Variants in GFRA2 observed in about 807,000 individuals in gnomAD.
The protein encoded by GFRA2 is GDNF family receptor alpha-2.
In GFRA2, 17 loss-of-function variants were observed where a neutral mutation model predicts 48.3. The ratio of observed to expected loss-of-function variants is 0.35; its 90% CI spans 0.24 to 0.53. The LOEUF (loss-of-function observed/expected upper bound fraction) is 0.53. Among genes scored for constraint, GFRA2 ranks in the 20% least tolerant of loss-of-function variants. The pLI is 0.93. For synonymous variants in GFRA2, 305 were observed against 257.2 expected (o/e 1.19, Z -1.78); for missense variants, 660 against 637.3 (o/e 1.04, Z -0.38).
intron 4 of GFRA2, among the ~76,000 whole-genome samples, chr8:21,734,020 G>A (rs1804330641): frequency 6.6e-6 from 1 of 152,230 alleles, no homozygotes; most frequent in Non-Finnish European, 1.5e-5. Flanking sequence ...ATGCAGGCCT[G>A]AGTCCTCATG....
At position 21,721,871 on chromosome 8, in the gene GFRA2, C is replaced by G. The variant is rs1334360826; in HGVS notation, c.795-15830G>C. Among the ~76,000 whole-genome samples, 2 of 152,262 alleles carry G rather than the reference C, an allele frequency of 1.3e-5. 1 individual carries two copies. The highest frequency in any genetic ancestry group is 3.9e-4 in the East Asian group (2 of 5,166). On this transcript the variant is annotated intron_variant, in intron 4 of 8. Transcript: ENST00000524240. ...TAAAAAAGCACAGGGCAAATATATT[C>G]TCGGAGTCACAGGCTTCAGGGGGCA...
At chr8:21,755,769 T>C (rs146381421) in intron 3 of GFRA2, among the ~76,000 whole-genome samples, 18 of 152,316 alleles carry the variant, frequency 1.2e-4, no homozygotes, top group Non-Finnish European at 2.4e-4. Flanking sequence ...TGGGAGGAAC[T>C]GCAAGCAATT....
At chr8:21,755,438 A>G (rs1805521336) in intron 3 of GFRA2, among the ~76,000 whole-genome samples, 1 of 152,170 alleles carries the variant, frequency 6.6e-6, no homozygotes, top group South Asian at 2.1e-4. Context: ...AGGCAGAAAG[A>G]GAATCAAGGT....
intron 3 of GFRA2, among the ~76,000 whole-genome samples, chr8:21,758,356 A>C (rs1209100925): frequency 6.6e-6 from 1 of 152,074 alleles, no homozygotes; most frequent in Non-Finnish European, 1.5e-5. Context: ...GAGGATCTTC[A>C]AGGTAGACTT....
At chr8:21,725,172 C>T (rs990419864) in intron 4 of GFRA2, among the ~76,000 whole-genome samples, 1 of 152,216 alleles carries the variant, frequency 6.6e-6, no homozygotes, top group African/African-American at 2.4e-5. Flanking sequence ...GCTGAGGAGC[C>T]AAAACTAATA....
chr8:21,774,432 A>G (rs1806590870), intron 3 of GFRA2, among the ~76,000 whole-genome samples: 3 of 133,530 alleles, frequency 2.2e-5, no homozygotes, highest in Non-Finnish European at 5.1e-5. Flanking sequence ...AGAGCCCTCA[A>G]GAGAGAGGGA....
intron 1 of GFRA2, among the ~76,000 whole-genome samples, chr8:21,807,677 C>T (rs1054089605): frequency 1.3e-5 from 2 of 152,148 alleles, no homozygotes; most frequent in Non-Finnish European, 2.9e-5. Context: ...CTTGTGTCTC[C>T]TCATGTGTCC....
At chr8:21,794,183 A>G (rs1009383507) in intron 2 of GFRA2, among the ~76,000 whole-genome samples, 2 of 144,172 alleles carry the variant, frequency 1.4e-5, no homozygotes, top group South Asian at 2.2e-4. Flanking sequence ...TGTACTGTGG[A>G]CCTTGTTTTA....
chr8:21,719,936 C>T (rs929406702), intron 4 of GFRA2, among the ~76,000 whole-genome samples: 3 of 152,184 alleles, frequency 2.0e-5, no homozygotes, highest in African/African-American at 7.2e-5. Flanking sequence ...AGTTCTTCTG[C>T]TCTTAGTTCT....
At chr8:21,694,883 T>A (rs1802079193) in intron 7 of GFRA2, among the ~76,000 whole-genome samples, 1 of 152,124 alleles carries the variant, frequency 6.6e-6, no homozygotes, top group African/African-American at 2.4e-5. Flanking sequence ...TAACAACAAC[T>A]CAACAAATGT....
rs1044377764 is a variant in GFRA2, at chr8:21,702,805, C to G, written c.1218G>C (p.Gln406His). The change falls in exon 7 of 9, where the codon CAG becomes CAC. Residue 406 changes from glutamine to histidine, a missense_variant and splice_region_variant. Coordinates refer to ENST00000524240, the MANE Select transcript of GFRA2 (RefSeq NM_001495.5). ...CCACGCCTCAGCCACACACCCTCAC[C>G]TGGACAGACGTGCAGGTGGTGATGA... is the stretch of plus-strand genomic sequence containing the variant. The part of the protein sequence containing the change: ...TSVITTCTSV[Q>H]EQGLKANNSK... The G allele has an allele frequency of 6.2e-7, 1 of 1,602,358 alleles. No individual in the cohort carries two copies. Among genetic ancestry groups the G allele is most frequent in the Non-Finnish European group, 8.5e-7 (1 of 1,174,528 alleles).
intron 3 of GFRA2, among the ~76,000 whole-genome samples, chr8:21,766,605 C>T (rs1407287936): frequency 6.6e-6 from 1 of 151,308 alleles, no homozygotes; most frequent in Non-Finnish European, 1.5e-5. Context: ...GCAAAGATGG[C>T]CTCCCTTTTT....
At chr8:21,804,167 T>C (rs1265783789) in intron 2 of GFRA2, among the ~76,000 whole-genome samples, 1 of 151,410 alleles carries the variant, frequency 6.6e-6, no homozygotes, top group Non-Finnish European at 1.5e-5. Flanking sequence ...CTGCCTATAG[T>C]GGAATGGAGT....
At chr8:21,777,769 A>G (rs77239359) in intron 2 of GFRA2, among the ~76,000 whole-genome samples, 18,300 of 152,110 alleles carry the variant, frequency 0.12, 1,413 homozygotes, top group East Asian at 0.21. Flanking sequence ...AGGGACCTGG[A>G]TAAGGAGTCG....
chr8:21,786,340 C>A (rs1194088508), intron 1 of GFRA2, among the ~76,000 whole-genome samples: 6 of 152,376 alleles, frequency 3.9e-5, no homozygotes, highest in African/African-American at 1.4e-4. Flanking sequence ...CCCCCGACCA[C>A]AGATGGTGCC....
intron 4 of GFRA2, among the ~76,000 whole-genome samples, chr8:21,728,265 GT>G (rs34490346): frequency 0.11 from 6,943 of 64,948 alleles, 34 homozygotes; most frequent in African/African-American, 0.12. Flanking sequence ...CGGGAACCAG[GT>G]TTTTTTTTTT....
At chr8:21,747,681 G>T (rs1805073271) in intron 4 of GFRA2, among the ~76,000 whole-genome samples, 1 of 151,100 alleles carries the variant, frequency 6.6e-6, no homozygotes, top group Admixed American at 6.6e-5. Flanking sequence ...GGTTCCTTCT[G>T]AAGAAGGTGG....
intron 2 of GFRA2, among the ~76,000 whole-genome samples, chr8:21,803,727 T>A (rs1807809843): frequency 6.6e-6 from 1 of 152,172 alleles, no homozygotes; most frequent in Admixed American, 6.5e-5. Context: ...CCAACTCCTA[T>A]GTGCAAATGA....
At chr8:21,696,843 G>C (rs911308861) in intron 7 of GFRA2, among the ~76,000 whole-genome samples, 1 of 151,104 alleles carries the variant, frequency 6.6e-6, no homozygotes, top group African/African-American at 2.4e-5. Flanking sequence ...AGGAAACCAG[G>C]TGAAGGGAGA....
Sources: allele counts gnomAD v4.1 joint callset (sites outside exome capture counted in the v4.1 genomes callset), GRCh38; gene constraint gnomAD v4.1.1; transcripts MANE v1.5; gene names NCBI Gene and HGNC (gene_info 2026-07-23, HGNC 2026-07-21).